Variants in C18orf54 observed in about 807,000 individuals in gnomAD.
The protein encoded by C18orf54 is lung adenoma susceptibility protein 2.
C18orf54 carries 49 observed loss-of-function variants against 49.3 expected under a neutral mutation model. The observed-to-expected ratio is 0.99, with a 90% confidence interval of 0.79 to 1.26. C18orf54 has a LOEUF of 1.26. C18orf54 is among the 50% of genes most tolerant of loss of function. The pLI is 0.00. For synonymous variants in C18orf54, 211 were observed against 216.6 expected (o/e 0.97, Z 0.23); for missense variants, 687 against 620.6 (o/e 1.11, Z -1.14).
chr18:54,365,849 T>C, intron 6 of C18orf54, 28 bp downstream of exon 6: 1 of 1,354,408 alleles, frequency 7.4e-7, no homozygotes, highest in South Asian at 1.4e-5. Context: ...TTTTAAAACT[T>C]ATTTAAAGAT....
At chr18:54,364,990 C>T (rs560818503) in intron 5 of C18orf54, among the ~76,000 whole-genome samples, 45 of 152,064 alleles carry the variant, frequency 3.0e-4, no homozygotes, top group Admixed American at 2.7e-3. Context: ...GAATTTGATT[C>T]TCGGAGCATT....
At chr18:54,372,426 TG>T in intron 6 of C18orf54, 39 bp from the exon 7 acceptor site, 1 of 1,434,884 alleles carries the variant, frequency 7.0e-7, no homozygotes, top group Non-Finnish European at 9.2e-7. Flanking sequence ...TCCCTGAGCT[TG>T]GATGGTTAAC....
intron 8 of C18orf54, among the ~76,000 whole-genome samples, chr18:54,375,161 G>T (rs2089549669): frequency 6.6e-6 from 1 of 151,824 alleles, no homozygotes; most frequent in East Asian, 1.9e-4. Context: ...ATACCTAATA[G>T]AATTCAGTGA....
chr18:54,364,026 T>G (rs1184698365), intron 5 of C18orf54: 4 of 152,274 alleles, frequency 2.6e-5, no homozygotes, highest in Admixed American at 1.3e-4. Context: ...GTTTCTGACC[T>G]AGGATGAGCT....
At position 54,378,368 on chromosome 18, in the gene C18orf54, T is replaced by C. The variant is rs1223564203; in HGVS notation, c.*122T>C. On this transcript the variant is annotated 3_prime_UTR_variant, in exon 9 of 9. Transcript: ENST00000620105. Reference sequence around the variant, plus strand: ...CATTATTTTGTGGTTGGTTCAAGGATTATATATTTCTAAAACACTAAACTT... The same window carrying C: ...CATTATTTTGTGGTTGGTTCAAGGACTATATATTTCTAAAACACTAAACTT... The C allele has an allele frequency of 4.8e-6, 4 of 826,966 alleles. No individual in the cohort carries two copies. The African/African-American group carries it at 5.2e-5, about 11-fold the overall frequency. 51.2% of individuals were successfully genotyped at this position (826,966 alleles called of 1,614,324 possible).
Position 54,360,646 on chromosome 18 carries a change from C to A in C18orf54, c.74C>A (p.Thr25Asn). 1 of 1,614,004 alleles carries A rather than the reference C, an allele frequency of 6.2e-7. No homozygotes were observed. Among genetic ancestry groups the A allele is most frequent in the Non-Finnish European group, 8.5e-7 (1 of 1,179,894 alleles). The change falls in exon 3 of 9, where the codon ACC becomes AAC. Residue 25 changes from threonine to asparagine, a missense_variant. Thr to Asn is a moderately conservative substitution (Grantham distance 65). Transcript: ENST00000620105. ...SSVSALLASC[T>N]LSGSNSSNSD... Reference sequence around the variant, plus strand: ...GTATCTGCCCTGCTGGCAAGCTGCACCCTGAGTGGTAGTAATTCCTCTAAT... The same window carrying A: ...GTATCTGCCCTGCTGGCAAGCTGCAACCTGAGTGGTAGTAATTCCTCTAAT...
chr18:54,364,931 G>A (rs2089351363), intron 5 of C18orf54, among the ~76,000 whole-genome samples: 1 of 151,978 alleles, frequency 6.6e-6, no homozygotes, highest in African/African-American at 2.4e-5. Flanking sequence ...ACCTCATAGT[G>A]TTGTAAGAAT....
In C18orf54 at chr18:54,360,583, C is replaced by CA. The variant is rs1391293729; in HGVS notation, c.14dup (p.Thr6AspfsTer4). The CA allele has an allele frequency of 6.2e-7, 1 of 1,613,578 alleles. No homozygotes were observed. The highest frequency in any genetic ancestry group is 1.7e-5 in the Admixed American group (1 of 59,992). On this transcript the variant is annotated frameshift_variant, in exon 3 of 9. Coordinates refer to ENST00000620105, the MANE Select transcript of C18orf54 (RefSeq NM_001288980.2). LOFTEE classifies it high-confidence loss of function. ...CACTTTGAAGAAGCCATGGCGAAAT[C>CA]AAAGACAAAACATAGACTTTGTTCT...
At chr18:54,362,654 C>A in intron 4 of C18orf54, 117 bp from the exon 5 acceptor site, 1 of 969,460 alleles carries the variant, frequency 1.0e-6, no homozygotes. Flanking sequence ...ACATAATTTG[C>A]TGTTATAGAT....
rs2089678419 is a variant in C18orf54, at chr18:54,381,810, T to TA, written c.*3565dup. 6.6e-6 allele frequency: 1 copy of TA among 152,216 alleles called. No individual in the cohort carries two copies. The highest frequency in any genetic ancestry group is 2.1e-4 in the South Asian group (1 of 4,830). 9.4% of individuals were successfully genotyped at this position (152,216 alleles called of 1,614,324 possible). ...TTTTAATGTTTTGGGTGGTGCCTCT[T>TA]ATACTATGTTGTATTCCTAGACAAG... On this transcript the variant is annotated 3_prime_UTR_variant, in exon 9 of 9. Coordinates refer to ENST00000620105, the MANE Select transcript of C18orf54 (RefSeq NM_001288980.2).
rs147190923 is a variant in C18orf54 at position 54,378,771 on chromosome 18, T to C, written c.*525T>C. On this transcript the variant is annotated 3_prime_UTR_variant, in exon 9 of 9. Transcript: ENST00000620105. ...CTTTGAAATTTTCATAAATTTAATA[T>C]TTAAGATACATTGTATTTGAAAATT... 1 of 152,368 alleles carries C rather than the reference T, an allele frequency of 6.6e-6. No homozygotes were observed. Among genetic ancestry groups the C allele is most frequent in the African/African-American group, 2.4e-5 (1 of 41,586 alleles). 9.4% of individuals were successfully genotyped at this position (152,368 alleles called of 1,614,324 possible). A position where few individuals can be genotyped will look rare whatever the true frequency, so the allele number is the denominator to read the frequency against.
intron 6 of C18orf54, 58 bp from the exon 7 acceptor site, chr18:54,372,406 AAC>A (rs1326993061): frequency 7.4e-7 from 1 of 1,352,612 alleles, no homozygotes; most frequent in Non-Finnish European, 9.7e-7. Context: ...TACAAAATAA[AAC>A]TCTTCTTTCC....
intron 2 of C18orf54, 144 bp from the exon 3 acceptor site, chr18:54,360,383 C>A: frequency 1.8e-6 from 1 of 544,894 alleles, no homozygotes; most frequent in Non-Finnish European, 3.1e-6. Flanking sequence ...TAACAAAAAT[C>A]TACAATTCCT....
chr18:54,359,712 C>T (rs1391189658), intron 2 of C18orf54, among the ~76,000 whole-genome samples: 3 of 152,040 alleles, frequency 2.0e-5, no homozygotes, highest in South Asian at 2.1e-4. Flanking sequence ...GAATTAGTGC[C>T]GGTTCGTTCT....
rs2089299235 is a variant in C18orf54 at position 54,362,813 on chromosome 18, T to C, written c.1115T>C (p.Leu372Pro). ...ELLILKAKRN[L>P]EQCTEELPKS... is the part of the protein sequence containing the mutation. ...CTTATCTTGAAGGCCAAGAGAAATCTAGAGCAGTGTACTGAAGAATTACCA... is the reference window on the plus strand; with the variant it reads ...CTTATCTTGAAGGCCAAGAGAAATCCAGAGCAGTGTACTGAAGAATTACCA... The change falls in exon 5 of 9, where the codon CTA becomes CCA. Residue 372 changes from leucine to proline, a missense_variant. Leu to Pro is a moderately conservative substitution (Grantham distance 98). Transcript: ENST00000620105. The C allele has an allele frequency of 1.2e-6, 2 of 1,610,850 alleles. No individual in the cohort carries two copies. The highest frequency in any genetic ancestry group is 1.7e-6 in the Non-Finnish European group (2 of 1,179,340).
Position 54,362,271 on chromosome 18 carries a change from T to C in C18orf54, c.912T>C (p.Asn304=), listed in dbSNP as rs1369682805. The change falls in exon 4 of 9, where the codon AAT becomes AAC. Residue 304 remains asparagine, a synonymous_variant. Coordinates refer to ENST00000620105, the MANE Select transcript of C18orf54 (RefSeq NM_001288980.2). The part of the protein sequence containing the change: ...HQAQGTSRLI[N]KLDCFEYAFE... ...CACAAGGAACTTCTCGGCTTATCAA[T>C]AAATTAGATTGTTTTGAATATGCTT... is the stretch of plus-strand genomic sequence containing the variant. 3.3e-6 allele frequency: 5 copies of C among 1,536,460 alleles called. No individual in the cohort carries two copies. The highest frequency in any genetic ancestry group is 1.4e-5 in the African/African-American group (1 of 73,180).
intron 6 of C18orf54, among the ~76,000 whole-genome samples, chr18:54,372,078 G>A (rs2089495517): frequency 6.6e-6 from 1 of 152,046 alleles, no homozygotes; most frequent in South Asian, 2.1e-4. Context: ...AGAGAATACT[G>A]TATTTGAAAT....
rs1157813945 is a variant in C18orf54, at chr18:54,380,589, A to T, written c.*2343A>T. On this transcript the variant is annotated 3_prime_UTR_variant, in exon 9 of 9. Transcript: ENST00000620105. Reference sequence around the variant, plus strand: ...GACAGTTAATTTCAGCTTCATAGAGATTTCTGAGCAAATTAAGAAACACTG... The same window carrying T: ...GACAGTTAATTTCAGCTTCATAGAGTTTTCTGAGCAAATTAAGAAACACTG... The T allele has an allele frequency of 1.3e-5, 2 of 152,062 alleles. No homozygotes were observed. Among genetic ancestry groups the T allele is most frequent in the African/African-American group, 4.8e-5 (2 of 41,440 alleles). The allele number at this position is 152,062 out of a possible 1,614,324, so 9.4% of individuals were successfully genotyped here.
intron 5 of C18orf54, chr18:54,363,917 T>C (rs2089324703): frequency 6.6e-6 from 1 of 152,100 alleles, no homozygotes; most frequent in South Asian, 2.1e-4. Flanking sequence ...TGTATTGCCT[T>C]GTACAATTTA....
Sources: gnomAD v4.1 joint callset for allele counts (sites outside exome capture counted in the v4.1 genomes callset) on GRCh38, gnomAD v4.1.1 for gene constraint, MANE v1.5 for transcripts, NCBI Gene and HGNC (gene_info 2026-07-23, HGNC 2026-07-21) for gene names.